Variants in RALYL observed in about 807,000 individuals in gnomAD.
The protein encoded by RALYL is RNA-binding Raly-like protein.
Under a neutral mutation model 35.1 loss-of-function variants are expected in RALYL, and 29 were observed. The observed-to-expected ratio is 0.83, with a 90% confidence interval of 0.61 to 1.13. RALYL has a LOEUF of 1.13. Ranked by LOEUF, RALYL falls within the 50% of genes most tolerant of loss-of-function variation. RALYL has a pLI of 0.00. For synonymous variants in RALYL, 120 were observed against 127.6 expected (o/e 0.94, Z 0.40); for missense variants, 359 against 360.4 (o/e 1.00, Z 0.03).
At chr8:84,779,408 A>G (rs1817582391) in intron 3 of RALYL, among the ~76,000 whole-genome samples, 1 of 152,200 alleles carries the variant, frequency 6.6e-6, no homozygotes, top group Admixed American at 6.5e-5. Flanking sequence ...TTTCACCTAG[A>G]GGTGACTCCC....
intron 2 of RALYL, among the ~76,000 whole-genome samples, chr8:84,662,062 TAAA>T (rs1332255912): frequency 6.6e-6 from 1 of 152,046 alleles, no homozygotes; most frequent in African/African-American, 2.4e-5. Context: ...AGTCAATACA[TAAA>T]AAAGTTTGAA....
rs553111636 is a variant in RALYL at position 84,334,539 on chromosome 8, TTAAAG to T, written c.-24+150120_-24+150124del. Among the ~76,000 whole-genome samples, 341 of 151,374 alleles carry T rather than the reference TTAAAG, an allele frequency of 2.3e-3. 1 individual carries two copies. Among genetic ancestry groups the T allele is most frequent in the Non-Finnish European group, 3.8e-3 (261 of 67,794 alleles). Reference sequence around the variant, plus strand: ...AAATATATAATTAAATAATTACATATTAAAGTAAATTAAAATTGTAACTTAACATT... The same window carrying T: ...AAATATATAATTAAATAATTACATATTAAATTAAAATTGTAACTTAACATT... On this transcript the variant is annotated intron_variant, in intron 1 of 8. Coordinates refer to ENST00000521268, the MANE Select transcript of RALYL (RefSeq NM_173848.7).
At chr8:84,278,522 T>G (rs1835878891) in intron 1 of RALYL, among the ~76,000 whole-genome samples, 1 of 152,226 alleles carries the variant, frequency 6.6e-6, no homozygotes, top group Admixed American at 6.5e-5. Context: ...AAAATGGGTT[T>G]TTCCTTTCTA....
At chr8:84,200,996 T>C (rs1211792386) in intron 1 of RALYL, among the ~76,000 whole-genome samples, 1 of 152,180 alleles carries the variant, frequency 6.6e-6, no homozygotes, top group African/African-American at 2.4e-5. Flanking sequence ...CACAAGGCAT[T>C]ATATAATGTA....
chr8:84,369,097 G>A (rs1334258482), intron 1 of RALYL, among the ~76,000 whole-genome samples: 1 of 152,068 alleles, frequency 6.6e-6, no homozygotes, highest in African/African-American at 2.4e-5. Flanking sequence ...AGTCTTTTGG[G>A]AAAGAGTTTT....
chr8:84,408,305 A>G (rs1487482469), intron 1 of RALYL, among the ~76,000 whole-genome samples: 1 of 151,402 alleles, frequency 6.6e-6, no homozygotes, highest in Non-Finnish European at 1.5e-5. Context: ...GATTTCAACA[A>G]AAAGTTCTGA....
intron 1 of RALYL, among the ~76,000 whole-genome samples, chr8:84,196,825 G>A (rs570650383): frequency 3.3e-5 from 5 of 152,040 alleles, no homozygotes; most frequent in Non-Finnish European, 7.4e-5. Flanking sequence ...GTTCATATTT[G>A]CCAAAAAGTT....
chr8:84,192,584 G>A (rs1266926032), intron 1 of RALYL, among the ~76,000 whole-genome samples: 2 of 151,152 alleles, frequency 1.3e-5, no homozygotes, highest in Non-Finnish European at 2.9e-5. Flanking sequence ...TTGAGACAAA[G>A]TCTTGCTCTG....
chr8:84,444,176 A>C (rs1389113326), intron 1 of RALYL, among the ~76,000 whole-genome samples: 1 of 151,986 alleles, frequency 6.6e-6, no homozygotes, highest in Non-Finnish European at 1.5e-5. Context: ...AAAATATAAA[A>C]ATGTTAGCCG....
intron 2 of RALYL, among the ~76,000 whole-genome samples, chr8:84,758,378 C>A (rs1811923910): frequency 6.6e-6 from 1 of 152,100 alleles, no homozygotes; most frequent in South Asian, 2.1e-4. Context: ...TGCTGCATAA[C>A]AAGTTATCCC....
At chr8:84,796,826 C>T (rs1430729989) in intron 3 of RALYL, among the ~76,000 whole-genome samples, 1 of 152,134 alleles carries the variant, frequency 6.6e-6, no homozygotes, top group Non-Finnish European at 1.5e-5. Flanking sequence ...TAAGGAATAA[C>T]TTAAAATAGC....
chr8:84,337,303 G>A (rs1471258364), intron 1 of RALYL, among the ~76,000 whole-genome samples: 2 of 151,314 alleles, frequency 1.3e-5, no homozygotes, highest in Non-Finnish European at 2.9e-5. Context: ...CAGCTCATTC[G>A]AGGAATATAG....
intron 2 of RALYL, among the ~76,000 whole-genome samples, chr8:84,671,426 G>T (rs1045229515): frequency 2.0e-5 from 3 of 152,188 alleles, no homozygotes; most frequent in African/African-American, 7.2e-5. Context: ...GGCGTAGGGA[G>T]CTCTAACCCC....
intron 1 of RALYL, among the ~76,000 whole-genome samples, chr8:84,417,993 C>A (rs1249963613): frequency 6.6e-6 from 1 of 152,148 alleles, no homozygotes; most frequent in East Asian, 1.9e-4. Flanking sequence ...TACTAAGTTG[C>A]CCAACAGGAG....
intron 2 of RALYL, among the ~76,000 whole-genome samples, chr8:84,667,658 T>C (rs899762070): frequency 2.6e-5 from 4 of 152,140 alleles, no homozygotes; most frequent in Non-Finnish European, 4.4e-5. Context: ...TTTCCCTGAA[T>C]AATCCCAACT....
At chr8:84,470,061 C>A (rs1036849896) in intron 1 of RALYL, among the ~76,000 whole-genome samples, 1 of 152,158 alleles carries the variant, frequency 6.6e-6, no homozygotes, top group African/African-American at 2.4e-5. Context: ...GTGAGATGCA[C>A]CCGGTACCTC....
chr8:84,222,392 C>T (rs747710011), intron 1 of RALYL, among the ~76,000 whole-genome samples: 4 of 151,958 alleles, frequency 2.6e-5, no homozygotes, highest in Non-Finnish European at 4.4e-5. Context: ...CTGGAGATAC[C>T]GACACAAACC....
At chr8:84,263,257 T>C (rs1832648593) in intron 1 of RALYL, among the ~76,000 whole-genome samples, 1 of 152,218 alleles carries the variant, frequency 6.6e-6, no homozygotes, top group Non-Finnish European at 1.5e-5. Flanking sequence ...TTGATTTACC[T>C]CAAATTTCTC....
At chr8:84,664,262 G>GTT (rs750256632) in intron 2 of RALYL, among the ~76,000 whole-genome samples, 1,125 of 42,960 alleles carry the variant, frequency 0.026, 15 homozygotes, top group Admixed American at 0.044. Context: ...GATGCCTCTA[G>GTT]ATTTTTTTTT....
Sources: allele counts gnomAD v4.1 joint callset (sites outside exome capture counted in the v4.1 genomes callset), GRCh38; gene constraint gnomAD v4.1.1; transcripts MANE v1.5; gene names NCBI Gene and HGNC (gene_info 2026-07-23, HGNC 2026-07-21).